The following MDFIC2 variants were observed in gnomAD, a reference collection of about 807,000 sequenced individuals.
MDFIC2 encodes MyoD family inhibitor domain containing 2.
chr3:70,224,223 A>G (rs1002073298), intron 2 of MDFIC2, among the ~76,000 whole-genome samples: 2 of 152,174 alleles, frequency 1.3e-5, no homozygotes, highest in Non-Finnish European at 2.9e-5. Context: ...AAGTAGGCTG[A>G]TTCGAAGTCC....
At chr3:70,235,189 C>T (rs554036846) in intron 2 of MDFIC2, among the ~76,000 whole-genome samples, 1 of 152,256 alleles carries the variant, frequency 6.6e-6, no homozygotes, top group African/African-American at 2.4e-5. Flanking sequence ...ATCTCTTTTA[C>T]CATCCACAAA....
At chr3:70,293,298 T>C (rs1399144779) in intron 2 of MDFIC2, among the ~76,000 whole-genome samples, 1 of 152,086 alleles carries the variant, frequency 6.6e-6, no homozygotes, top group South Asian at 2.1e-4. Flanking sequence ...CATACAATTA[T>C]CAAAATATGT....
At position 70,286,679 on chromosome 3, in the gene MDFIC2, T is replaced by G. The variant is rs199572480; in HGVS notation, c.88+25207A>C. On this transcript the variant is annotated intron_variant, in intron 2 of 3. Coordinates refer to ENST00000567252, the MANE Select transcript of MDFIC2 (RefSeq NM_001364677.1). Reference sequence around the variant, plus strand: ...TGGCCATTTTCATGATATTGATTCTTCCTACCCATGAGCATGGAATGTTCT... The same window carrying G: ...TGGCCATTTTCATGATATTGATTCTGCCTACCCATGAGCATGGAATGTTCT... Among the ~76,000 whole-genome samples, 320 of 152,274 alleles carry G rather than the reference T, an allele frequency of 2.1e-3. 12 individuals are homozygous for G. The East Asian group carries it at 0.054, about 26-fold the overall frequency.
intron 2 of MDFIC2, among the ~76,000 whole-genome samples, chr3:70,276,312 T>A (rs541229569): frequency 6.6e-6 from 1 of 152,294 alleles, no homozygotes; most frequent in East Asian, 1.9e-4. Context: ...TTTAAATAAC[T>A]TTATATTATT....
intron 2 of MDFIC2, among the ~76,000 whole-genome samples, chr3:70,272,649 G>C (rs1031250394): frequency 1.3e-5 from 2 of 152,124 alleles, no homozygotes; most frequent in African/African-American, 2.4e-5. Flanking sequence ...CGAATGGCAG[G>C]TGTATGTTTA....
intron 2 of MDFIC2, chr3:70,249,801 A>G (rs1261630047): frequency 6.6e-6 from 1 of 152,132 alleles, no homozygotes; most frequent in Non-Finnish European, 1.5e-5. Context: ...AAGATACGGT[A>G]GTTATTTCAA....
rs1702199286 is a variant in MDFIC2 at position 70,289,106 on chromosome 3, T to A, written c.88+22780A>T. Reference sequence around the variant, plus strand: ...TGTGTATTTGATCCTGTCATTTTGATGTTAGCTGGTGATTTTGCTCGTTAG... The same window carrying A: ...TGTGTATTTGATCCTGTCATTTTGAAGTTAGCTGGTGATTTTGCTCGTTAG... On this transcript the variant is annotated intron_variant, in intron 2 of 3. Coordinates refer to ENST00000567252, the MANE Select transcript of MDFIC2 (RefSeq NM_001364677.1). 3.3e-5 allele frequency among the ~76,000 whole-genome samples: 5 copies of A among 152,188 alleles called. No individual in the cohort carries two copies. In the South Asian group the frequency reaches 1.0e-3, roughly 32 times the overall value.
At chr3:70,206,850 C>T in intron 2 of MDFIC2, 60 bp from the exon 3 acceptor site, 1 of 396,308 alleles carries the variant, frequency 2.5e-6, no homozygotes, top group Non-Finnish European at 4.5e-6. Flanking sequence ...GACCTAGTGA[C>T]CTAAGAATGC....
intron 2 of MDFIC2, among the ~76,000 whole-genome samples, chr3:70,239,241 A>C (rs973077524): frequency 1.3e-5 from 2 of 152,260 alleles, no homozygotes; most frequent in East Asian, 1.9e-4. Flanking sequence ...TATCTTGTAG[A>C]TATTGTTATC....
intron 2 of MDFIC2, among the ~76,000 whole-genome samples, chr3:70,304,496 C>T (rs1465382106): frequency 6.6e-6 from 1 of 152,280 alleles, no homozygotes; most frequent in East Asian, 1.9e-4. Flanking sequence ...GCCAATTTCT[C>T]TCTCTCACTT....
intron 2 of MDFIC2, among the ~76,000 whole-genome samples, chr3:70,255,678 T>G (rs1012230265): frequency 6.6e-6 from 1 of 152,126 alleles, no homozygotes; most frequent in Non-Finnish European, 1.5e-5. Context: ...AGGCTGGTCT[T>G]GAACTGCTGG....
chr3:70,232,908 G>T (rs2106746064), intron 2 of MDFIC2, among the ~76,000 whole-genome samples: 1 of 152,202 alleles, frequency 6.6e-6, no homozygotes, highest in East Asian at 1.9e-4. Context: ...GAAGCCCTAT[G>T]CTAGGCGTGG....
intron 2 of MDFIC2, among the ~76,000 whole-genome samples, chr3:70,210,651 T>G (rs1239738292): frequency 1.3e-5 from 2 of 152,132 alleles, no homozygotes; most frequent in African/African-American, 4.8e-5. Context: ...TAGAGTTAAA[T>G]AAGGAACTCG....
intron 2 of MDFIC2, among the ~76,000 whole-genome samples, chr3:70,255,682 C>T (rs1022390712): frequency 6.6e-6 from 1 of 152,158 alleles, no homozygotes; most frequent in Non-Finnish European, 1.5e-5. Flanking sequence ...TGGTCTTGAA[C>T]TGCTGGGCTC....
chr3:70,292,533 G>A (rs919181263), intron 2 of MDFIC2, among the ~76,000 whole-genome samples: 1 of 152,100 alleles, frequency 6.6e-6, no homozygotes, highest in Non-Finnish European at 1.5e-5. Flanking sequence ...TTTGGTTTGA[G>A]AGGCATTAAA....
chr3:70,290,496 G>A (rs1041842761), intron 2 of MDFIC2, among the ~76,000 whole-genome samples: 1 of 152,342 alleles, frequency 6.6e-6, no homozygotes, highest in Admixed American at 6.5e-5. Context: ...GTCTGCAGAG[G>A]TTATGGCTGT....
At chr3:70,235,285 T>C (rs1429078176) in intron 2 of MDFIC2, among the ~76,000 whole-genome samples, 1 of 152,186 alleles carries the variant, frequency 6.6e-6, no homozygotes, top group Non-Finnish European at 1.5e-5. Context: ...GATGCATTCT[T>C]AGGTGTACTA....
At chr3:70,215,698 A>C (rs986189787) in intron 2 of MDFIC2, among the ~76,000 whole-genome samples, 5 of 152,062 alleles carry the variant, frequency 3.3e-5, no homozygotes, top group Admixed American at 6.6e-5. Flanking sequence ...TCTGTTGTGA[A>C]CTCCTTGAGG....
chr3:70,285,827 C>T (rs747272587), intron 2 of MDFIC2, among the ~76,000 whole-genome samples: 1 of 152,164 alleles, frequency 6.6e-6, no homozygotes, highest in South Asian at 2.1e-4. Flanking sequence ...AGCATTTAAT[C>T]ATGTGTTTTT....
Sources: gnomAD v4.1 joint callset for allele counts (sites outside exome capture counted in the v4.1 genomes callset) on GRCh38, gnomAD v4.1.1 for gene constraint, MANE v1.5 for transcripts, NCBI Gene and HGNC (gene_info 2026-07-23, HGNC 2026-07-21) for gene names.